The following SEC11A variants were observed in gnomAD, a reference collection of about 807,000 sequenced individuals.
SEC11A encodes the protein signal peptidase complex catalytic subunit SEC11A.
In SEC11A, 14 loss-of-function variants were observed where a neutral mutation model predicts 25.6. That is an observed-to-expected ratio of 0.55 (90% CI 0.36 to 0.85). SEC11A has a LOEUF of 0.85. Ranked by LOEUF, SEC11A falls within the 40% of genes least tolerant of loss-of-function variation. SEC11A has a pLI of 0.01. For missense variants in SEC11A, 153 were observed against 222.9 expected, an observed-to-expected ratio of 0.69 and a Z score of 2.00; for synonymous variants, 83 against 76.4, an observed-to-expected ratio of 1.09 and a Z score of -0.45.
chr15:84,708,700 A>C (rs1047284426), intron 1 of SEC11A, among the ~76,000 whole-genome samples: 10 of 151,992 alleles, frequency 6.6e-5, no homozygotes, highest in African/African-American at 2.2e-4. Context: ...AGGTGGGGGG[A>C]TAGCTTGGAC....
Position 84,680,152 on chromosome 15 carries a change from T to A in SEC11A, c.431+561A>T, listed in dbSNP as rs1277844111. Among the ~76,000 whole-genome samples the A allele has an allele frequency of 2.7e-5, 4 of 148,968 alleles. No individual in the cohort carries two copies. The East Asian group carries it at 7.8e-4, about 29-fold the overall frequency. On this transcript the variant is annotated intron_variant, in intron 4 of 5. Transcript: ENST00000268220. ...CCATCTCTACTAAAAAAAAAAAAAATTAGCCGGGCATGGTGGCGGGCGCCT... is the reference window on the plus strand; with the variant it reads ...CCATCTCTACTAAAAAAAAAAAAAAATAGCCGGGCATGGTGGCGGGCGCCT...
intron 3 of SEC11A, among the ~76,000 whole-genome samples, chr15:84,683,288 A>C (rs2141882794): frequency 6.6e-6 from 1 of 152,266 alleles, no homozygotes; most frequent in Admixed American, 6.5e-5. Flanking sequence ...CAAATCAGAT[A>C]TGAGGAGATA....
intron 3 of SEC11A, among the ~76,000 whole-genome samples, chr15:84,685,473 C>T (rs548306959): frequency 6.8e-6 from 1 of 147,584 alleles, no homozygotes; most frequent in South Asian, 2.1e-4. Context: ...ACCATCTGGT[C>T]TAGACGCCCA....
At chr15:84,673,430 GA>G (rs1178052868) in intron 4 of SEC11A, 12,123 of 144,012 alleles carry the variant, frequency 0.084, 402 homozygotes, top group Non-Finnish European at 0.12. Context: ...TCTGCCTTGG[GA>G]AAAAAAAAAA....
intron 4 of SEC11A, among the ~76,000 whole-genome samples, chr15:84,677,432 T>A (rs1897163889): frequency 6.6e-6 from 1 of 151,882 alleles, no homozygotes; most frequent in South Asian, 2.1e-4. Flanking sequence ...GTTGGGATTT[T>A]AAAAATAGCA....
chr15:84,692,296 G>A (rs1249045521), intron 1 of SEC11A, among the ~76,000 whole-genome samples: 5 of 151,720 alleles, frequency 3.3e-5, no homozygotes, highest in African/African-American at 4.9e-5. Flanking sequence ...CCTCCTAAAG[G>A]GCTGGGATTA....
chr15:84,681,176 C>T (rs1897273724), intron 3 of SEC11A, among the ~76,000 whole-genome samples: 2 of 152,140 alleles, frequency 1.3e-5, no homozygotes, highest in African/African-American at 4.8e-5. Context: ...TAAATACACA[C>T]TACCAATTTT....
chr15:84,684,932 A>T (rs921293499), intron 3 of SEC11A, among the ~76,000 whole-genome samples: 3 of 152,344 alleles, frequency 2.0e-5, no homozygotes, highest in African/African-American at 7.2e-5. Flanking sequence ...CTCCGTCTCA[A>T]AAGAAAAAAC....
intron 2 of SEC11A, among the ~76,000 whole-genome samples, chr15:84,688,928 G>C (rs554164137): frequency 2.5e-4 from 38 of 152,126 alleles, no homozygotes; most frequent in African/African-American, 8.7e-4. Flanking sequence ...CTACTCAGGA[G>C]GCTGACGCAG....
At position 84,693,998 on chromosome 15, in the gene SEC11A, A is replaced by C. The variant is rs544378536; in HGVS notation, c.52-2354T>G. On this transcript the variant is annotated intron_variant, in intron 1 of 5. Transcript: ENST00000268220. ...AATAATTGTTGGATCTGTGTGACAGATTACAGGTGTTCCCTGTACTGTTTT... is the reference window on the plus strand; with the variant it reads ...AATAATTGTTGGATCTGTGTGACAGCTTACAGGTGTTCCCTGTACTGTTTT... Among the ~76,000 whole-genome samples, 4 of 152,338 alleles carry C rather than the reference A, an allele frequency of 2.6e-5. No individual in the cohort carries two copies. In the East Asian group the frequency reaches 7.7e-4, roughly 29 times the overall value.
At chr15:84,699,575 G>C (rs537025437) in intron 1 of SEC11A, among the ~76,000 whole-genome samples, 2 of 152,068 alleles carry the variant, frequency 1.3e-5, no homozygotes, top group Non-Finnish European at 2.9e-5. Context: ...CCAGACCACA[G>C]GGCAAAGGAG....
intron 1 of SEC11A, among the ~76,000 whole-genome samples, chr15:84,700,709 G>A (rs184863374): frequency 6.0e-5 from 9 of 149,176 alleles, no homozygotes; most frequent in African/African-American, 1.2e-4. Flanking sequence ...GGCCAGGCGC[G>A]GTGGCTCACA....
chr15:84,705,333 G>A (rs1056970163), intron 1 of SEC11A, among the ~76,000 whole-genome samples: 4 of 152,176 alleles, frequency 2.6e-5, no homozygotes, highest in African/African-American at 7.2e-5. Context: ...TGTCTTCTGC[G>A]TGACAGAAAT....
chr15:84,706,132 C>T (rs1048496838), intron 1 of SEC11A, among the ~76,000 whole-genome samples: 3 of 151,884 alleles, frequency 2.0e-5, no homozygotes, highest in Non-Finnish European at 4.4e-5. Context: ...GTCTCGAACT[C>T]CTGACCTCAG....
intron 1 of SEC11A, among the ~76,000 whole-genome samples, chr15:84,713,900 G>C (rs1387851088): frequency 6.6e-6 from 1 of 151,962 alleles, no homozygotes; most frequent in African/African-American, 2.4e-5. Context: ...GTAATGCCCT[G>C]ACTGGAACCT....
At chr15:84,675,964 G>A (rs1897121708) in intron 4 of SEC11A, among the ~76,000 whole-genome samples, 1 of 152,184 alleles carries the variant, frequency 6.6e-6, no homozygotes, top group Non-Finnish European at 1.5e-5. Flanking sequence ...CACAAAGACA[G>A]AAAGCAGATT....
At chr15:84,715,978 C>T (rs773582069) in intron 1 of SEC11A, 47 bp downstream of exon 1, 3 of 1,594,498 alleles carry the variant, frequency 1.9e-6, no homozygotes, top group South Asian at 2.2e-5. Context: ...GCAGCAGCCT[C>T]GAAGGGACAA....
intron 5 of SEC11A, 76 bp from the exon 6 acceptor site, chr15:84,670,145 T>G: frequency 7.0e-7 from 1 of 1,428,124 alleles, no homozygotes; most frequent in South Asian, 1.3e-5. Context: ...ATTAACAAAT[T>G]GGTCTTTGTG....
At chr15:84,679,865 ATTG>A (rs1897239445) in intron 4 of SEC11A, 1 of 1,154,878 alleles carries the variant, frequency 8.7e-7, no homozygotes, top group East Asian at 2.6e-5. Flanking sequence ...AACGTGAGTT[ATTG>A]TTAATACTAT....
Sources: allele counts gnomAD v4.1 joint callset (sites outside exome capture counted in the v4.1 genomes callset), GRCh38; gene constraint gnomAD v4.1.1; transcripts MANE v1.5; gene names NCBI Gene and HGNC (gene_info 2026-07-23, HGNC 2026-07-21).